The following UPF2 variants were observed in gnomAD, a reference collection of about 807,000 sequenced individuals.
UPF2 encodes the protein regulator of nonsense transcripts 2.
In UPF2, 17 loss-of-function variants were observed where a neutral mutation model predicts 141.4. The observed-to-expected ratio is 0.12, with a 90% CI of 0.08 to 0.18. The LOEUF (loss-of-function observed/expected upper bound fraction) is 0.18. UPF2 is among the 10% of genes least tolerant of loss of function. UPF2 has a pLI of 1.00. For missense variants in UPF2, 1,152 were observed against 1,515.9 expected, an observed-to-expected ratio of 0.76 and a Z score of 3.99; for synonymous variants, 540 against 498.0, an observed-to-expected ratio of 1.08 and a Z score of -1.12.
chr10:11,950,748 A>C (rs767075033), intron 15 of UPF2, among the ~76,000 whole-genome samples: 22 of 152,268 alleles, frequency 1.4e-4, no homozygotes, highest in Non-Finnish European at 2.6e-4. Flanking sequence ...GCTCAATATG[A>C]GATCATGTAT....
chr10:12,000,750 C>A (rs1833938349), intron 6 of UPF2, among the ~76,000 whole-genome samples: 1 of 151,988 alleles, frequency 6.6e-6, no homozygotes, highest in African/African-American at 2.4e-5. Flanking sequence ...AGGCTGCAGT[C>A]AATTATGATC....
At chr10:11,960,261 C>T (rs1211636182) in intron 11 of UPF2, among the ~76,000 whole-genome samples, 2 of 152,136 alleles carry the variant, frequency 1.3e-5, no homozygotes, top group Admixed American at 1.3e-4. Context: ...ATTTTAAAAA[C>T]ATCTGCTGGG....
intron 2 of UPF2, among the ~76,000 whole-genome samples, chr10:12,030,913 G>A (rs1330590414): frequency 2.0e-5 from 3 of 150,518 alleles, no homozygotes; most frequent in East Asian, 2.0e-4. Context: ...GGTGGCTCAT[G>A]CCTGTAATCC....
In UPF2 at chr10:12,035,158, T is replaced by G. The variant is rs1337195442; in HGVS notation, c.266A>C (p.Lys89Thr). The G allele has an allele frequency of 1.9e-6, 3 of 1,606,408 alleles. No homozygotes were observed. The South Asian group carries it at 3.4e-5, about 18-fold the overall frequency. Residue 89 changes from lysine (K) to threonine (T), a missense_variant, in exon 2 of 22, where the codon AAA (lysine) becomes ACA (threonine). Physicochemically the swap from Lys to Thr is moderately conservative, Grantham distance 78. Coordinates refer to ENST00000357604, the MANE Select transcript of UPF2 (RefSeq NM_015542.4). ...ATGTTTCTTTTTTTCTTCCTCTTCT[T>G]TTTTCTTTGATTCTTCCTCTGCCTT... ...KVKAEEESKK[K>T]EEEEKKKHQE... is the part of the protein sequence containing the mutation.
intron 19 of UPF2, among the ~76,000 whole-genome samples, chr10:11,934,554 A>C (rs1832821482): frequency 6.6e-6 from 1 of 152,164 alleles, no homozygotes; most frequent in East Asian, 1.9e-4. Context: ...CATGCCGTGA[A>C]GTCTTTGCCA....
At chr10:11,975,510 G>A (rs111459607) in intron 9 of UPF2, among the ~76,000 whole-genome samples, 2 of 152,112 alleles carry the variant, frequency 1.3e-5, no homozygotes, top group African/African-American at 2.4e-5. Flanking sequence ...TAAAAACTTT[G>A]TTGTTGTTGT....
intron 4 of UPF2, among the ~76,000 whole-genome samples, chr10:12,006,508 A>C (rs1336092045): frequency 1.3e-5 from 2 of 152,220 alleles, no homozygotes; most frequent in South Asian, 2.1e-4. Context: ...AAAACAAAAA[A>C]AACACTGGCT....
intron 21 of UPF2, among the ~76,000 whole-genome samples, chr10:11,922,488 G>A (rs1005472920): frequency 6.6e-6 from 1 of 152,212 alleles, no homozygotes; most frequent in African/African-American, 2.4e-5. Flanking sequence ...CTCTCCTGAA[G>A]TCAAGAAAAG....
Position 11,931,576 on chromosome 10 carries a change from A to G in UPF2, c.3688+65T>C. 6.8e-7 allele frequency: 1 copy of G among 1,473,046 alleles called. No homozygotes were observed. Among genetic ancestry groups the G allele is most frequent in the Middle Eastern group, 2.0e-4 (1 of 4,912 alleles). The allele number at this position is 1,473,046 out of a possible 1,614,324, so 91.2% of individuals were successfully genotyped here. ...AAATATGACATGAGAAGATGAGACA[A>G]AATAACAATTTTGATGCTCAAAAGG... On this transcript the variant is annotated intron_variant, in intron 20 of 21. Coordinates refer to ENST00000357604, the MANE Select transcript of UPF2 (RefSeq NM_015542.4). The surrounding 1 kb of genome is among the most constrained non-coding windows in gnomAD (Gnocchi z 5.9).
intron 21 of UPF2, among the ~76,000 whole-genome samples, chr10:11,925,418 G>C (rs768632818): frequency 4.6e-5 from 7 of 152,348 alleles, no homozygotes; most frequent in Non-Finnish European, 7.3e-5. Flanking sequence ...AGCAGAACTG[G>C]AATGAGAACG....
At chr10:11,927,003 G>C (rs1294656920) in intron 21 of UPF2, among the ~76,000 whole-genome samples, 1 of 152,150 alleles carries the variant, frequency 6.6e-6, no homozygotes, top group Non-Finnish European at 1.5e-5. Context: ...TCTCCTGCCT[G>C]GTCCTTAACA....
chr10:11,989,090 T>C (rs945267357), intron 8 of UPF2, among the ~76,000 whole-genome samples: 1 of 152,180 alleles, frequency 6.6e-6, no homozygotes, highest in Non-Finnish European at 1.5e-5. Context: ...AATAAAAATA[T>C]ACAGCCAACC....
intron 21 of UPF2, among the ~76,000 whole-genome samples, chr10:11,925,954 T>C (rs74119908): frequency 0.03 from 4,536 of 152,234 alleles, 211 homozygotes; most frequent in African/African-American, 0.1. Context: ...AGATATCAAA[T>C]TTGTGTTTTA....
intron 10 of UPF2, among the ~76,000 whole-genome samples, chr10:11,966,203 T>C (rs886407332): frequency 1.3e-5 from 2 of 152,210 alleles, no homozygotes; most frequent in African/African-American, 4.8e-5. Context: ...GGTAACTGTG[T>C]TGTTCCAATT....
At chr10:12,009,911 G>T (rs141031223) in intron 4 of UPF2, among the ~76,000 whole-genome samples, 2 of 152,246 alleles carry the variant, frequency 1.3e-5, no homozygotes, top group South Asian at 2.1e-4. Context: ...TATGTGTGAG[G>T]AAACTAGGTG....
intron 9 of UPF2, among the ~76,000 whole-genome samples, chr10:11,968,089 G>A (rs1742642779): frequency 1.3e-5 from 2 of 152,084 alleles, no homozygotes; most frequent in South Asian, 4.1e-4. Flanking sequence ...TGAGGCAGGA[G>A]AATTGCTTGA....
intron 15 of UPF2, among the ~76,000 whole-genome samples, chr10:11,951,602 C>T (rs903253119): frequency 2.0e-5 from 3 of 152,190 alleles, no homozygotes; most frequent in African/African-American, 7.2e-5. Context: ...ACAGAAGCAA[C>T]TCTGCCAGTG....
chr10:11,936,532 G>C lies in UPF2; in HGVS notation c.3546+13C>G, dbSNP rs373595795. ...CACAATCAGCTATAATTACAGGGCGGGCAGTTTCTTACCTGCTGTTTATTG... is the reference window on the plus strand; with the variant it reads ...CACAATCAGCTATAATTACAGGGCGCGCAGTTTCTTACCTGCTGTTTATTG... On this transcript the variant is annotated intron_variant, in intron 19 of 21. Coordinates refer to ENST00000357604, the MANE Select transcript of UPF2 (RefSeq NM_015542.4). This position sits in a 1 kb window ranked among gnomAD's most constrained non-coding sequence, Gnocchi z 6.6. The C allele has an allele frequency of 4.4e-6, 7 of 1,587,226 alleles. No homozygotes were observed. Among genetic ancestry groups the C allele is most frequent in the Non-Finnish European group, 6.0e-6 (7 of 1,167,256 alleles).
At chr10:11,924,671 T>A (rs1036773840) in intron 21 of UPF2, among the ~76,000 whole-genome samples, 23 of 152,048 alleles carry the variant, frequency 1.5e-4, no homozygotes, top group Non-Finnish European at 2.8e-4. Flanking sequence ...GATCTGGCAG[T>A]CTCTGCCTCC....
Sources: allele counts gnomAD v4.1 joint callset (sites outside exome capture counted in the v4.1 genomes callset), GRCh38; gene constraint gnomAD v4.1.1; non-coding constraint Gnocchi (gnomAD v3.1); transcripts MANE v1.5; gene names NCBI Gene and HGNC (gene_info 2026-07-23, HGNC 2026-07-21).